Variants in PLCZ1 observed in about 807,000 individuals in gnomAD.
PLCZ1 encodes 1-phosphatidylinositol 4,5-bisphosphate phosphodiesterase zeta-1.
Under a neutral mutation model 76.8 loss-of-function variants are expected in PLCZ1, and 64 were observed. That is an observed-to-expected ratio of 0.83 (90% CI 0.68 to 1.03). The LOEUF is 1.03. Among genes scored for constraint, PLCZ1 ranks in the 50% least tolerant of loss-of-function variants. The pLI is 0.00. For synonymous variants in PLCZ1, 248 were observed against 230.8 expected (o/e 1.07, Z -0.68); for missense variants, 751 against 713.7 (o/e 1.05, Z -0.60).
the PLCZ1 span, among the ~76,000 whole-genome samples, chr12:18,660,987 AT>A: frequency 6.6e-6 from 1 of 152,192 alleles, no homozygotes; most frequent in South Asian, 2.1e-4. Flanking sequence ...CCAAAATGAA[AT>A]TCTGGAACTG....
chr12:18,647,878 A>G, the PLCZ1 span: 1 of 1,508,756 alleles, frequency 6.6e-7, no homozygotes, highest in Non-Finnish European at 8.9e-7. Context: ...GTTTTTAGGT[A>G]GTATATGATG....
At chr12:18,701,112 G>A (rs928969983) in intron 9 of PLCZ1, among the ~76,000 whole-genome samples, 16 of 151,812 alleles carry the variant, frequency 1.1e-4, no homozygotes, top group African/African-American at 2.9e-4. Flanking sequence ...AGCGTCACAA[G>A]TAGTTGGAAC....
the PLCZ1 span, among the ~76,000 whole-genome samples, chr12:18,665,264 GACT>G: frequency 6.6e-6 from 1 of 152,024 alleles, no homozygotes; most frequent in Non-Finnish European, 1.5e-5. Flanking sequence ...AGGGTATATA[GACT>G]TTCAGTTTTG....
chr12:18,692,733 A>T (rs1468713284), intron 12 of PLCZ1: 9 of 914,284 alleles, frequency 9.8e-6, no homozygotes, highest in African/African-American at 1.7e-5. Context: ...TAAAGAAAAA[A>T]TGTTAAAAGC....
the PLCZ1 span, among the ~76,000 whole-genome samples, chr12:18,660,072 C>G: frequency 3.9e-5 from 6 of 152,152 alleles, no homozygotes; most frequent in Non-Finnish European, 7.3e-5. Context: ...AACAATTACA[C>G]TGACATAATC....
chr12:18,696,692 A>C (rs4280052), intron 10 of PLCZ1, among the ~76,000 whole-genome samples: 73,269 of 151,696 alleles, frequency 0.48, 18,873 homozygotes, highest in African/African-American at 0.66. Flanking sequence ...AATCATATGG[A>C]AGTCACACAA....
At chr12:18,725,720 G>A (rs970280252) in intron 3 of PLCZ1, among the ~76,000 whole-genome samples, 6 of 152,066 alleles carry the variant, frequency 3.9e-5, no homozygotes, top group African/African-American at 1.4e-4. Flanking sequence ...CTCTGAATTA[G>A]TTGCAGTACA....
chr12:18,729,233 T>C lies in PLCZ1; in HGVS notation c.136-5691A>G, dbSNP rs543529435. Among the ~76,000 whole-genome samples, 389 of 152,044 alleles carry C rather than the reference T, an allele frequency of 2.6e-3. 2 individuals are homozygous for C. Among genetic ancestry groups the C allele is most frequent in the Non-Finnish European group, 3.9e-3 (267 of 67,900 alleles). ...CATGCATCCTGTACTCCAGTCATAT[T>C]TGATTACTTTTTATTCTCCATGCAC... On this transcript the variant is annotated intron_variant, in intron 3 of 14. Coordinates refer to ENST00000266505, the MANE Select transcript of PLCZ1 (RefSeq NM_033123.4).
chr12:18,731,389 A>C (rs907460401), intron 3 of PLCZ1, among the ~76,000 whole-genome samples: 6 of 152,116 alleles, frequency 3.9e-5, no homozygotes, highest in African/African-American at 1.4e-4. Context: ...CAGGTTCCTT[A>C]AGCTTAAGGT....
chr12:18,657,744 A>G, the PLCZ1 span, among the ~76,000 whole-genome samples: 16,222 of 152,212 alleles, frequency 0.11, 1,007 homozygotes, highest in Middle Eastern at 0.17. Context: ...TTGCCACACT[A>G]TAATATTCAA....
intron 3 of PLCZ1, among the ~76,000 whole-genome samples, chr12:18,726,567 T>A (rs577622559): frequency 6.6e-6 from 1 of 152,234 alleles, no homozygotes; most frequent in South Asian, 2.1e-4. Context: ...GAAAATAAAA[T>A]TCAAAATAAT....
At chr12:18,729,507 A>C (rs1168060607) in intron 3 of PLCZ1, among the ~76,000 whole-genome samples, 1 of 152,074 alleles carries the variant, frequency 6.6e-6, no homozygotes, top group Non-Finnish European at 1.5e-5. Flanking sequence ...GTGTCACCAC[A>C]TACTATAGAT....
chr12:18,719,556 AT>A lies in PLCZ1; in HGVS notation c.443del (p.Asn148MetfsTer10). The A allele has an allele frequency of 6.2e-7, 1 of 1,603,456 alleles. No individual in the cohort carries two copies. The highest frequency in any genetic ancestry group is 1.7e-5 in the Admixed American group (1 of 59,340). On this transcript the variant is annotated frameshift_variant, in exon 5 of 15. Coordinates refer to ENST00000266505, the MANE Select transcript of PLCZ1 (RefSeq NM_033123.4). LOFTEE classifies it high-confidence loss of function. ...MDSRECLLFK[N>X]ECRKVYQDMT... ...TATCTTGATAAACTTTTCTACATTCATTTTTAAACAGTAGACATTCACGTGA... is the reference window on the plus strand; with the variant it reads ...TATCTTGATAAACTTTTCTACATTCATTTTAAACAGTAGACATTCACGTGA...
chr12:18,708,646 T>C (rs1285556224), intron 6 of PLCZ1, among the ~76,000 whole-genome samples: 10 of 152,162 alleles, frequency 6.6e-5, no homozygotes, highest in Non-Finnish European at 1.3e-4. Context: ...GGTTCCCTTT[T>C]TGCCACGCCC....
intron 9 of PLCZ1, 102 bp downstream of exon 9, chr12:18,701,399 A>G (rs1955896764): frequency 1.3e-6 from 2 of 1,571,536 alleles, no homozygotes; most frequent in South Asian, 1.2e-5. Context: ...AGTTTTTATA[A>G]GAAGGAAAAT....
intron 12 of PLCZ1, among the ~76,000 whole-genome samples, chr12:18,690,921 C>A (rs1210132674): frequency 6.6e-6 from 1 of 152,030 alleles, no homozygotes; most frequent in African/African-American, 2.4e-5. Flanking sequence ...AGATAGTAGT[C>A]AAGAGACACA....
intron 3 of PLCZ1, among the ~76,000 whole-genome samples, chr12:18,735,296 AT>A (rs918114903): frequency 1.4e-4 from 21 of 152,082 alleles, no homozygotes; most frequent in African/African-American, 4.8e-4. Flanking sequence ...TCCCTCTTCT[AT>A]TTTTTAGAAG....
chr12:18,713,524 A>T (rs187601794), intron 5 of PLCZ1, among the ~76,000 whole-genome samples: 1 of 152,280 alleles, frequency 6.6e-6, no homozygotes, highest in African/African-American at 2.4e-5. Context: ...GCTCTCTGGA[A>T]ACAGTGTTGG....
At chr12:18,731,533 C>T (rs78020684) in intron 3 of PLCZ1, among the ~76,000 whole-genome samples, 38 of 94,346 alleles carry the variant, frequency 4.0e-4, no homozygotes, top group South Asian at 8.6e-4. Context: ...AATAAGCTGT[C>T]TTTTTTTTTT....
Sources: gnomAD v4.1 joint callset for allele counts (sites outside exome capture counted in the v4.1 genomes callset) on GRCh38, gnomAD v4.1.1 for gene constraint, MANE v1.5 for transcripts, NCBI Gene and HGNC (gene_info 2026-07-23, HGNC 2026-07-21) for gene names.